SEL1L2: variants seen among roughly 807,000 people sequenced by gnomAD.
SEL1L2 encodes the protein SEL1L2 adaptor subunit of SYVN1 ubiquitin ligase, also known as protein sel-1 homolog 2.
In SEL1L2, 89 loss-of-function variants were observed where a neutral mutation model predicts 98.8. The observed-to-expected ratio is 0.90, with a 90% CI of 0.76 to 1.07. The LOEUF is 1.07. Ranked by LOEUF, SEL1L2 falls within the 50% of genes least tolerant of loss-of-function variation. SEL1L2 has a pLI of 0.00. For missense variants in SEL1L2, 788 were observed against 812.0 expected, an observed-to-expected ratio of 0.97 and a Z score of 0.36; for synonymous variants, 262 against 278.5, an observed-to-expected ratio of 0.94 and a Z score of 0.59.
At position 13,865,269 on chromosome 20, in the gene SEL1L2, A is replaced by C. The variant is rs548516803; in HGVS notation, c.1571-28T>G. On this transcript the variant is annotated intron_variant, in intron 16 of 19. Coordinates refer to ENST00000284951, the MANE Select transcript of SEL1L2 (RefSeq NM_025229.2). ...AAAAAGAGGAGACATTCCATTAGGAAGGCTTAAAATGCCTCTGTAGTAAAG... is the reference window on the plus strand; with the variant it reads ...AAAAAGAGGAGACATTCCATTAGGACGGCTTAAAATGCCTCTGTAGTAAAG... 8 of 1,611,070 alleles carry C rather than the reference A, an allele frequency of 5.0e-6. No individual in the cohort carries two copies. The African/African-American group carries it at 6.7e-5, about 13-fold the overall frequency.
intron 1 of SEL1L2, among the ~76,000 whole-genome samples, chr20:13,972,332 G>C (rs2051322910): frequency 6.6e-6 from 1 of 151,922 alleles, no homozygotes; most frequent in African/African-American, 2.4e-5. Flanking sequence ...TTTATTCCTT[G>C]GGTATTTTAC....
intron 2 of SEL1L2, among the ~76,000 whole-genome samples, chr20:13,945,506 A>G (rs1013127818): frequency 6.6e-6 from 1 of 150,974 alleles, no homozygotes; most frequent in African/African-American, 2.4e-5. Flanking sequence ...ATATATTTAC[A>G]TTTCTAAAAG....
At chr20:13,914,951 G>T (rs1476842642) in intron 4 of SEL1L2, among the ~76,000 whole-genome samples, 1 of 152,138 alleles carries the variant, frequency 6.6e-6, no homozygotes. Flanking sequence ...CAAAACATGT[G>T]TCAGAGACAG....
At position 13,905,978 on chromosome 20, in the gene SEL1L2, G is replaced by A. The variant is rs1338344876; in HGVS notation, c.549+7804C>T. Among the ~76,000 whole-genome samples, 98 of 150,182 alleles carry A rather than the reference G, an allele frequency of 6.5e-4. 1 individual carries two copies. Among genetic ancestry groups the A allele is most frequent in the Non-Finnish European group, 5.9e-5 (4 of 67,716 alleles). ...CAACCTCCACCTCCCAGGTTCAAGC[G>A]ATTCTCCTGCCTCGGCCTTCCAAGT... is the stretch of plus-strand genomic sequence containing the variant. On this transcript the variant is annotated intron_variant, in intron 5 of 19. Transcript: ENST00000284951.
intron 11 of SEL1L2, among the ~76,000 whole-genome samples, chr20:13,877,316 G>T (rs1387139301): frequency 6.6e-6 from 1 of 152,064 alleles, no homozygotes; most frequent in African/African-American, 2.4e-5. Flanking sequence ...TCATTAATTT[G>T]TTAGATTTTT....
chr20:13,926,132 T>C (rs181064866), intron 3 of SEL1L2, among the ~76,000 whole-genome samples: 3,376 of 152,160 alleles, frequency 0.022, 59 homozygotes, highest in African/African-American at 0.051. Flanking sequence ...TCCTGGCTAG[T>C]ACGGTGAAAC....
At chr20:13,876,219 G>A in intron 11 of SEL1L2, 104 bp from the exon 12 acceptor site, 2 of 797,950 alleles carry the variant, frequency 2.5e-6, no homozygotes, top group South Asian at 1.5e-5. Context: ...CATATTGAAT[G>A]TAGTAAATGC....
intron 10 of SEL1L2, among the ~76,000 whole-genome samples, chr20:13,882,693 A>G (rs1317017046): frequency 6.6e-6 from 1 of 152,174 alleles, no homozygotes; most frequent in East Asian, 1.9e-4. Flanking sequence ...AGGCTAACCA[A>G]AATTGCTGAC....
At chr20:13,920,818 T>G (rs2048634712) in intron 3 of SEL1L2, among the ~76,000 whole-genome samples, 1 of 152,084 alleles carries the variant, frequency 6.6e-6, no homozygotes, top group Non-Finnish European at 1.5e-5. Context: ...AAATTAAATT[T>G]AAAAAATTAA....
Position 13,859,358 on chromosome 20 carries a change from TG to T in SEL1L2, c.1721del (p.Ala574GlufsTer29). ...GYGTKKDYQT[A>X]ATHYSIAANK... ...TGGCTGCAATGCTGTAGTGTGTGGCTGCTGTTTGATAGTCTTTCTTAGTCCC... is the reference window on the plus strand; with the variant it reads ...TGGCTGCAATGCTGTAGTGTGTGGCTCTGTTTGATAGTCTTTCTTAGTCCC... On this transcript the variant is annotated frameshift_variant, in exon 18 of 20. Transcript: ENST00000284951. LOFTEE classifies it high-confidence loss of function. The T allele has an allele frequency of 6.2e-7, 1 of 1,614,176 alleles. No individual in the cohort carries two copies. The highest frequency in any genetic ancestry group is 1.1e-5 in the South Asian group (1 of 91,088).
intron 3 of SEL1L2, among the ~76,000 whole-genome samples, chr20:13,928,971 C>T (rs1479981566): frequency 6.6e-6 from 1 of 151,960 alleles, no homozygotes; most frequent in Non-Finnish European, 1.5e-5. Context: ...TAGTTGTTGC[C>T]GTGATGCTGT....
chr20:13,920,665 T>A (rs1284743029), intron 3 of SEL1L2, among the ~76,000 whole-genome samples: 1 of 152,148 alleles, frequency 6.6e-6, no homozygotes. Flanking sequence ...TAGTAAAATC[T>A]TTGATTAGAA....
rs754101601 is a variant in SEL1L2 at position 13,850,222 on chromosome 20, G to A, written c.1916C>T (p.Thr639Met). Residue 639 changes from threonine to methionine, a missense_variant, in exon 19 of 20, where the codon ACG becomes ATG. Thr to Met is a moderately conservative substitution (Grantham distance 81). Coordinates refer to ENST00000284951, the MANE Select transcript of SEL1L2 (RefSeq NM_025229.2). Reference sequence around the variant, plus strand: ...AAACAGGATATCCCGGAGCAAATGCGTAGTTTCCAGTTTCATGACGGCAAA... The same window carrying A: ...AAACAGGATATCCCGGAGCAAATGCATAGTTTCCAGTTTCATGACGGCAAA... Reference protein sequence around the residue: ...VLFAVMKLETTHLLRDILFFN... With the variant: ...VLFAVMKLETMHLLRDILFFN... The A allele has an allele frequency of 1.4e-5, 22 of 1,613,962 alleles. No individual in the cohort carries two copies. Among genetic ancestry groups the A allele is most frequent in the South Asian group, 4.4e-5 (4 of 91,080 alleles).
intron 1 of SEL1L2, among the ~76,000 whole-genome samples, chr20:13,977,103 C>G (rs1347744934): frequency 1.3e-5 from 2 of 152,150 alleles, no homozygotes; most frequent in African/African-American, 4.8e-5. Flanking sequence ...ACCTTGAAAA[C>G]AAATGTTGAT....
intron 5 of SEL1L2, among the ~76,000 whole-genome samples, chr20:13,889,880 A>G (rs1378524326): frequency 6.6e-6 from 1 of 152,250 alleles, no homozygotes; most frequent in African/African-American, 2.4e-5. Context: ...ATATTCAAAC[A>G]ATAACAAATA....
chr20:13,945,056 T>C (rs1024970219), intron 2 of SEL1L2, among the ~76,000 whole-genome samples: 4 of 152,128 alleles, frequency 2.6e-5, no homozygotes, highest in African/African-American at 9.7e-5. Context: ...ATTGAGTAGA[T>C]GGAGAACTAC....
chr20:13,916,374 G>A (rs1442904504), intron 4 of SEL1L2, among the ~76,000 whole-genome samples: 1 of 152,154 alleles, frequency 6.6e-6, no homozygotes, highest in Non-Finnish European at 1.5e-5. Flanking sequence ...GCTTAGGCAT[G>A]GCTGCACAGA....
chr20:13,931,786 A>C lies in SEL1L2; in HGVS notation c.115-15T>G. On this transcript the variant is annotated splice_polypyrimidine_tract_variant and intron_variant, in intron 2 of 19. Coordinates refer to ENST00000284951, the MANE Select transcript of SEL1L2 (RefSeq NM_025229.2). ...TTCACTGATACCTACAAAGAAAAAG[A>C]CTGTTGCTCATTTTGTTCATGTGTG... The C allele has an allele frequency of 6.7e-7, 1 of 1,489,426 alleles. No individual in the cohort carries two copies. 92.3% of individuals were successfully genotyped at this position (1,489,426 alleles called of 1,614,324 possible). A position where few individuals can be genotyped will look rare whatever the true frequency, so the allele number is the denominator to read the frequency against.
chr20:13,935,845 C>A (rs1358959837), intron 2 of SEL1L2, among the ~76,000 whole-genome samples: 2 of 151,920 alleles, frequency 1.3e-5, no homozygotes, highest in Non-Finnish European at 2.9e-5. Flanking sequence ...CTGAAATAGG[C>A]CACTTGAGAA....
Sources: allele counts gnomAD v4.1 joint callset (sites outside exome capture counted in the v4.1 genomes callset), GRCh38; gene constraint gnomAD v4.1.1; transcripts MANE v1.5; gene names NCBI Gene and HGNC (gene_info 2026-07-23, HGNC 2026-07-21).